Variants in GPHN observed in about 807,000 individuals in gnomAD.
The protein encoded by GPHN is gephyrin.
A neutral mutation model predicts 95.5 loss-of-function variants in GPHN; 17 were observed. That is an observed-to-expected ratio of 0.18 (90% confidence interval 0.12 to 0.27). The LOEUF is 0.27. GPHN is among the 10% of genes least tolerant of loss of function. The pLI is 1.00. For synonymous variants in GPHN, 320 were observed against 322.5 expected, an observed-to-expected ratio of 0.99 and a Z score of 0.08; for missense variants, 660 against 978.1, an observed-to-expected ratio of 0.67 and a Z score of 4.34.
At chr14:66,981,086 GA>G (rs1445034609) in intron 9 of GPHN, among the ~76,000 whole-genome samples, 3 of 152,162 alleles carry the variant, frequency 2.0e-5, no homozygotes, top group Admixed American at 6.5e-5. Context: ...AAATATGGCA[GA>G]GGGGTTTAGA....
At chr14:66,827,903 A>G (rs1271679795) in intron 4 of GPHN, among the ~76,000 whole-genome samples, 5 of 151,910 alleles carry the variant, frequency 3.3e-5, no homozygotes, top group Non-Finnish European at 7.4e-5. Flanking sequence ...TGTATATTTC[A>G]TTATTCAGAA....
the GPHN span, among the ~76,000 whole-genome samples, chr14:67,286,717 G>C: frequency 6.6e-6 from 1 of 151,730 alleles, no homozygotes; most frequent in African/African-American, 2.4e-5. Flanking sequence ...AAATAGCCAG[G>C]TGTGGTGGAA....
chr14:67,646,979 G>A, the GPHN span: 3 of 1,612,844 alleles, frequency 1.9e-6, no homozygotes, highest in African/African-American at 2.7e-5. Flanking sequence ...TGATCGACTT[G>A]GTATCCAGAA....
At chr14:67,629,194 G>A in the GPHN span, among the ~76,000 whole-genome samples, 1 of 152,122 alleles carries the variant, frequency 6.6e-6, no homozygotes, top group Non-Finnish European at 1.5e-5. Context: ...AAATTAGCCA[G>A]GTGTGGTGGT....
chr14:66,596,548 G>A (rs2061980996), intron 1 of GPHN, among the ~76,000 whole-genome samples: 1 of 152,176 alleles, frequency 6.6e-6, no homozygotes, highest in Non-Finnish European at 1.5e-5. Context: ...AAGGCATGAG[G>A]GGGCTGGTGT....
At chr14:67,403,620 A>G in the GPHN span, among the ~76,000 whole-genome samples, 1 of 152,266 alleles carries the variant, frequency 6.6e-6, no homozygotes, top group Non-Finnish European at 1.5e-5. Context: ...AGCAAAGGAG[A>G]GAAGTCTGAG....
At chr14:66,641,234 T>C (rs2064387495) in intron 1 of GPHN, among the ~76,000 whole-genome samples, 1 of 152,250 alleles carries the variant, frequency 6.6e-6, no homozygotes, top group Non-Finnish European at 1.5e-5. Flanking sequence ...CTTTGAATTT[T>C]GATCTTTCTC....
At chr14:67,070,524 C>T (rs1046676794) in intron 11 of GPHN, among the ~76,000 whole-genome samples, 2 of 148,942 alleles carry the variant, frequency 1.3e-5, no homozygotes, top group South Asian at 2.1e-4. Context: ...GGTGAAACCG[C>T]GTCTCTACTA....
At chr14:67,529,738 A>G in the GPHN span, among the ~76,000 whole-genome samples, 1 of 152,132 alleles carries the variant, frequency 6.6e-6, no homozygotes, top group Non-Finnish European at 1.5e-5. Context: ...AATCCTGACA[A>G]TCACCGAAGA....
intron 9 of GPHN, among the ~76,000 whole-genome samples, chr14:67,010,420 C>T (rs550485285): frequency 9.2e-5 from 14 of 151,492 alleles, no homozygotes; most frequent in South Asian, 6.3e-4. Flanking sequence ...GGTGTGGTGG[C>T]GGGCACCTGC....
chr14:67,256,797 GACACACACACACACAC>G, the GPHN span, among the ~76,000 whole-genome samples: 11 of 147,786 alleles, frequency 7.4e-5, no homozygotes, highest in East Asian at 2.2e-3. Flanking sequence ...AGAAACTATT[GACACACACACACACAC>G]ACACACACAC....
the GPHN span, chr14:67,203,107 G>A: frequency 1.9e-6 from 3 of 1,612,940 alleles, no homozygotes; most frequent in South Asian, 1.1e-5. Flanking sequence ...AACAGAAGAG[G>A]TGAATCCATT....
At chr14:67,390,676 T>G in the GPHN span, 17 of 1,612,116 alleles carry the variant, frequency 1.1e-5, no homozygotes, top group South Asian at 1.9e-4. Flanking sequence ...GGAAGGGTCA[T>G]AGTAATGCAG....
the GPHN span, among the ~76,000 whole-genome samples, chr14:67,451,665 C>T: frequency 6.6e-6 from 1 of 152,206 alleles, no homozygotes; most frequent in African/African-American, 2.4e-5. Flanking sequence ...TGCCTGTACC[C>T]CCATTGTATC....
chr14:67,659,769 T>C, the GPHN span: 3 of 1,613,902 alleles, frequency 1.9e-6, no homozygotes, highest in South Asian at 2.2e-5. Context: ...CCATATTTCA[T>C]GTCTCCTCGG....
the GPHN span, among the ~76,000 whole-genome samples, chr14:67,634,709 G>GCTGA: frequency 1.3e-5 from 2 of 152,114 alleles, no homozygotes; most frequent in Non-Finnish European, 2.9e-5. Context: ...TTCAAGTAAG[G>GCTGA]CTGACCTCTA....
chr14:67,542,269 G>A, the GPHN span, among the ~76,000 whole-genome samples: 3 of 152,196 alleles, frequency 2.0e-5, no homozygotes, highest in Non-Finnish European at 4.4e-5. Flanking sequence ...TGGCTGCAGC[G>A]GAGAGGTTCT....
intron 3 of GPHN, among the ~76,000 whole-genome samples, chr14:66,787,888 GAAAAA>G (rs909056843): frequency 7.0e-6 from 1 of 142,362 alleles, no homozygotes; most frequent in Non-Finnish European, 1.6e-5. Context: ...ACTGTCAGAA[GAAAAA>G]AAAAAGCAAA....
chr14:67,466,744 A>G, the GPHN span, among the ~76,000 whole-genome samples: 1 of 152,094 alleles, frequency 6.6e-6, no homozygotes, highest in South Asian at 2.1e-4. Context: ...TGTAATCTCA[A>G]CATGTTGGGA....
Sources: gnomAD v4.1 joint callset for allele counts (sites outside exome capture counted in the v4.1 genomes callset) on GRCh38, gnomAD v4.1.1 for gene constraint, MANE v1.5 for transcripts, NCBI Gene and HGNC (gene_info 2026-07-23, HGNC 2026-07-21) for gene names.